The following PHC3 variants were observed in gnomAD, a reference collection of about 807,000 sequenced individuals.
The protein encoded by PHC3 is polyhomeotic homolog 3.
A neutral mutation model predicts 107.4 loss-of-function variants in PHC3; 13 were observed. That is an observed-to-expected ratio of 0.12 (90% CI 0.08 to 0.19). The LOEUF (loss-of-function observed/expected upper bound fraction) is 0.19. Among genes scored for constraint, PHC3 ranks in the 10% least tolerant of loss-of-function variants. The pLI is 1.00. For missense variants in PHC3, 992 were observed against 1,210.9 expected (o/e 0.82, Z 2.68); for synonymous variants, 456 against 427.4 (o/e 1.07, Z -0.83).
intron 10 of PHC3, among the ~76,000 whole-genome samples, chr3:170,116,047 T>G (rs1187572762): frequency 6.6e-6 from 1 of 152,192 alleles, no homozygotes; most frequent in Non-Finnish European, 1.5e-5. Context: ...TGATATATTT[T>G]CTAAGGAAAA....
In PHC3 at chr3:170,104,842, A is replaced by G. The variant is rs372569937; in HGVS notation, c.2469-1908T>C. Among the ~76,000 whole-genome samples, 154 of 152,352 alleles carry G rather than the reference A, an allele frequency of 1.0e-3. 1 individual carries two copies. The highest frequency in any genetic ancestry group is 6.8e-3 in the Middle Eastern group (2 of 294). ...TCATAATGTGCTCATTTGTGGGCTCAGCAATGTAGGTTTCTGATTTCCATT... is the reference window on the plus strand; with the variant it reads ...TCATAATGTGCTCATTTGTGGGCTCGGCAATGTAGGTTTCTGATTTCCATT... On this transcript the variant is annotated intron_variant, in intron 12 of 14. Coordinates refer to ENST00000495893, the MANE Select transcript of PHC3 (RefSeq NM_024947.4).
intron 7 of PHC3, among the ~76,000 whole-genome samples, chr3:170,133,112 A>T (rs145085824): frequency 0.012 from 1,852 of 152,298 alleles, 39 homozygotes; most frequent in African/African-American, 0.042. Context: ...AATGACTTGA[A>T]GGAACATTTT....
intron 7 of PHC3, among the ~76,000 whole-genome samples, chr3:170,129,929 C>A (rs931253789): frequency 1.3e-5 from 2 of 152,236 alleles, no homozygotes; most frequent in East Asian, 3.9e-4. Context: ...TGAAACCTGA[C>A]CTGAAGTGAT....
At chr3:170,146,614 C>T (rs1355466599) in intron 5 of PHC3, among the ~76,000 whole-genome samples, 1 of 148,332 alleles carries the variant, frequency 6.7e-6, no homozygotes, top group South Asian at 2.1e-4. Flanking sequence ...CTCACTGCAA[C>T]CTCTGCCTCC....
chr3:170,105,596 G>A (rs944767256), intron 12 of PHC3, among the ~76,000 whole-genome samples: 5 of 152,024 alleles, frequency 3.3e-5, no homozygotes, highest in Non-Finnish European at 5.9e-5. Context: ...AATCTGTAAC[G>A]ATCAAATCAG....
At chr3:170,146,861 C>T (rs1725048727) in intron 5 of PHC3, among the ~76,000 whole-genome samples, 1 of 145,328 alleles carries the variant, frequency 6.9e-6, no homozygotes. Context: ...AAACAACTGC[C>T]ATTAATCTAT....
chr3:170,113,349 A>G lies in PHC3; in HGVS notation c.2353+11T>C. On this transcript the variant is annotated intron_variant, in intron 11 of 14. Transcript: ENST00000495893. ...TTAAATTAAAGGGTATCTTAAGTGAAACCCACAAACCTTCAGCAATCATGT... is the reference window on the plus strand; with the variant it reads ...TTAAATTAAAGGGTATCTTAAGTGAGACCCACAAACCTTCAGCAATCATGT... 1 of 1,589,596 alleles carries G rather than the reference A, an allele frequency of 6.3e-7. No homozygotes were observed. The highest frequency in any genetic ancestry group is 8.6e-7 in the Non-Finnish European group (1 of 1,169,268).
At chr3:170,156,370 C>A (rs1726898791) in intron 4 of PHC3, among the ~76,000 whole-genome samples, 1 of 152,080 alleles carries the variant, frequency 6.6e-6, no homozygotes, top group South Asian at 2.1e-4. Context: ...GCTTCTCCTG[C>A]CTCAGCCTCC....
chr3:170,165,588 T>C (rs1728592018), intron 4 of PHC3, among the ~76,000 whole-genome samples: 1 of 151,448 alleles, frequency 6.6e-6, no homozygotes, highest in South Asian at 2.1e-4. Flanking sequence ...ACCCCGTCTC[T>C]ACTAAAAATA....
chr3:170,136,100 T>C (rs1350863424), intron 7 of PHC3, among the ~76,000 whole-genome samples: 1 of 152,210 alleles, frequency 6.6e-6, no homozygotes, highest in African/African-American at 2.4e-5. Flanking sequence ...ATTATCCCAC[T>C]GAAGTATATT....
chr3:170,154,632 A>G (rs1726595022), intron 4 of PHC3, among the ~76,000 whole-genome samples: 1 of 152,256 alleles, frequency 6.6e-6, no homozygotes, highest in Non-Finnish European at 1.5e-5. Context: ...TTAAAAAAGA[A>G]AAGAGGAAGT....
At position 170,172,644 on chromosome 3, in the gene PHC3, G is replaced by T. The variant is rs1362849215; in HGVS notation, c.249C>A (p.Ala83=). Residue 83 remains alanine (A), a synonymous_variant, in exon 3 of 15, where the codon GCC becomes GCA. Transcript: ENST00000495893. ...AAQYLQQMYA[A]QQQHLMLHTA... Reference sequence around the variant, plus strand: ...TATGCAGCATCAAGTGCTGTTGTTGGGCTGCATACATTTGCTGAAGGTACT... The same window carrying T: ...TATGCAGCATCAAGTGCTGTTGTTGTGCTGCATACATTTGCTGAAGGTACT... 2 of 1,613,580 alleles carry T rather than the reference G, an allele frequency of 1.2e-6. No individual in the cohort carries two copies. Among genetic ancestry groups the T allele is most frequent in the South Asian group, 2.2e-5 (2 of 91,036 alleles).
rs143074560 is a variant in PHC3 at position 170,122,540 on chromosome 3, ATTAACAT to A, written c.1942+44_1942+50del. 2.0e-3 allele frequency: 3,129 copies of A among 1,580,440 alleles called. 68 individuals carry two copies. In the African/African-American group the frequency reaches 0.037, roughly 18 times the overall value. ...GGGAAAAAAATCAACTTTTCCTATT[ATTAACAT>A]TTATCAAATAGAAAAATTCCCACAA... On this transcript the variant is annotated intron_variant, in intron 9 of 14. Transcript: ENST00000495893.
At chr3:170,141,577 T>G (rs1415070427) in intron 6 of PHC3, among the ~76,000 whole-genome samples, 6 of 152,194 alleles carry the variant, frequency 3.9e-5, no homozygotes, top group African/African-American at 7.2e-5. Context: ...GCAGCTGGTT[T>G]GTTTGTTTCA....
chr3:170,117,348 T>G lies in PHC3; in HGVS notation c.2071A>C (p.Thr691Pro). ...CTGGGAATGCTACTGTGCATAGATG[T>G]ACTGTTACTCCTTGTGGTGGCAGCT... ...LPAATTRSNS[T>P]SMHSSIPSIE... Residue 691 changes from threonine (T) to proline (P), a missense_variant, in exon 10 of 15, where the codon ACA becomes CCA. Thr to Pro is a conservative substitution (Grantham distance 38, BLOSUM62 -1). Transcript: ENST00000495893. The G allele has an allele frequency of 6.2e-7, 1 of 1,613,948 alleles. No homozygotes were observed. Among genetic ancestry groups the G allele is most frequent in the Non-Finnish European group, 8.5e-7 (1 of 1,179,860 alleles).
chr3:170,124,736 A>T (rs1720986986), intron 8 of PHC3, among the ~76,000 whole-genome samples: 1 of 152,198 alleles, frequency 6.6e-6, no homozygotes, highest in South Asian at 2.1e-4. Context: ...TATTGTGTAC[A>T]TTTTTAATCA....
intron 2 of PHC3, among the ~76,000 whole-genome samples, chr3:170,174,001 T>C (rs1463312429): frequency 6.6e-6 from 1 of 152,156 alleles, no homozygotes. Flanking sequence ...AAGACTAGCC[T>C]GGCCAACATA....
In PHC3 at chr3:170,117,422, G is replaced by A. The variant is rs1719236608; in HGVS notation, c.1997C>T (p.Pro666Leu). Residue 666 changes from proline (P) to leucine (L), a missense_variant, in exon 10 of 15, where the codon CCA becomes CTA. By Grantham distance (98) the Pro-to-Leu change is moderately conservative. Around this residue, in one of 6 missense-constraint regions of PHC3, gnomAD observed 543 missense variants for 590.8 expected, o/e 0.92. Transcript: ENST00000495893. ...ASVSASVIKS[P>L]SDPSHVSVPP... ...AACAGAAACATGTGAGGGATCTGAT[G>A]GAGATTTAATTACTGAAGCACTGAC... 6.2e-7 allele frequency: 1 copy of A among 1,613,780 alleles called. No individual in the cohort carries two copies.
At chr3:170,179,323 T>C (rs1176317555) in intron 1 of PHC3, among the ~76,000 whole-genome samples, 2 of 152,228 alleles carry the variant, frequency 1.3e-5, no homozygotes, top group Non-Finnish European at 2.9e-5. Flanking sequence ...TTACATTCTT[T>C]TGACCACACT....
Sources: gnomAD v4.1 joint callset for allele counts (sites outside exome capture counted in the v4.1 genomes callset) on GRCh38, gnomAD v4.1.1 for gene constraint, gnomAD v4.1.1 regional missense constraint, MANE v1.5 for transcripts, NCBI Gene and HGNC (gene_info 2026-07-23, HGNC 2026-07-21) for gene names.